The following DPP10 variants were observed in gnomAD, a reference collection of about 807,000 sequenced individuals.
DPP10 encodes the protein dipeptidyl peptidase like 10.
DPP10 carries 33 observed loss-of-function variants against 120.9 expected under a neutral mutation model. The ratio of observed to expected loss-of-function variants is 0.27; its 90% CI spans 0.21 to 0.37. DPP10 has a LOEUF of 0.37. Among genes scored for constraint, DPP10 ranks in the 10% least tolerant of loss-of-function variants. DPP10 has a pLI of 1.00. For synonymous variants in DPP10, 337 were observed against 326.1 expected, an observed-to-expected ratio of 1.03 and a Z score of -0.36; for missense variants, 816 against 942.8, an observed-to-expected ratio of 0.87 and a Z score of 1.76.
intron 5 of DPP10, among the ~76,000 whole-genome samples, chr2:115,625,843 T>A (rs1019062728): frequency 6.6e-6 from 1 of 151,996 alleles, no homozygotes; most frequent in Non-Finnish European, 1.5e-5. Flanking sequence ...TGAAGAAAGT[T>A]TTCTCTGAAC....
chr2:114,909,747 T>C (rs933697828), intron 1 of DPP10, among the ~76,000 whole-genome samples: 1 of 152,022 alleles, frequency 6.6e-6, no homozygotes, highest in African/African-American at 2.4e-5. Flanking sequence ...TTGTTCTGAG[T>C]TGGCAGTGTA....
intron 1 of DPP10, among the ~76,000 whole-genome samples, chr2:114,916,768 C>A (rs1402211824): frequency 6.6e-6 from 1 of 152,200 alleles, no homozygotes. Flanking sequence ...TAACATTCCA[C>A]ATCCCTTCAT....
intron 3 of DPP10, among the ~76,000 whole-genome samples, chr2:115,428,454 G>A (rs1357058628): frequency 6.6e-6 from 1 of 152,120 alleles, no homozygotes; most frequent in Admixed American, 6.6e-5. Context: ...GCTTGCGTTT[G>A]CTTGGCTTCT....
chr2:114,465,742 G>T (rs1679309756), intron 1 of DPP10, among the ~76,000 whole-genome samples: 1 of 151,782 alleles, frequency 6.6e-6, no homozygotes, highest in Non-Finnish European at 1.5e-5. Context: ...CACATTTATG[G>T]AGCACAGTGT....
chr2:115,594,535 G>T (rs754366147), intron 5 of DPP10, among the ~76,000 whole-genome samples: 1 of 152,082 alleles, frequency 6.6e-6, no homozygotes, highest in Non-Finnish European at 1.5e-5. Flanking sequence ...TGTTCTTCCC[G>T]ATATTACACT....
intron 1 of DPP10, among the ~76,000 whole-genome samples, chr2:115,235,039 A>G (rs1002137286): frequency 1.3e-5 from 2 of 152,156 alleles, no homozygotes; most frequent in East Asian, 1.9e-4. Context: ...CTCATTTAAC[A>G]TGAAAATGCT....
chr2:115,624,264 T>G (rs1205574723), intron 5 of DPP10, among the ~76,000 whole-genome samples: 1 of 152,228 alleles, frequency 6.6e-6, no homozygotes, highest in Non-Finnish European at 1.5e-5. Flanking sequence ...GTGAAGTGTT[T>G]TGGTTCTCAA....
At chr2:114,576,895 GT>G (rs1690097405) in intron 1 of DPP10, among the ~76,000 whole-genome samples, 1 of 150,834 alleles carries the variant, frequency 6.6e-6, no homozygotes, top group African/African-American at 2.4e-5. Flanking sequence ...TTTGTTTTTT[GT>G]TTTTTCATAG....
chr2:115,308,811 T>C (rs2061466718), intron 1 of DPP10, among the ~76,000 whole-genome samples: 1 of 151,906 alleles, frequency 6.6e-6, no homozygotes, highest in Non-Finnish European at 1.5e-5. Context: ...TTCCCATTTC[T>C]AGTCTTTGCC....
chr2:115,077,234 A>C (rs1559066005), intron 1 of DPP10, among the ~76,000 whole-genome samples: 1 of 152,184 alleles, frequency 6.6e-6, no homozygotes, highest in Non-Finnish European at 1.5e-5. Context: ...ACATGAGTAA[A>C]ATCTTTAATC....
At chr2:115,152,192 T>C (rs2051602641) in intron 1 of DPP10, among the ~76,000 whole-genome samples, 1 of 152,358 alleles carries the variant, frequency 6.6e-6, no homozygotes, top group African/African-American at 2.4e-5. Context: ...TTACACTGTG[T>C]AGGCCATATG....
At chr2:115,837,695 GTGGGGAT>G (rs945636795) in intron 24 of DPP10, among the ~76,000 whole-genome samples, 1 of 152,138 alleles carries the variant, frequency 6.6e-6, no homozygotes, top group Admixed American at 6.6e-5. Context: ...ATATGATGTA[GTGGGGAT>G]GGCACTTTAC....
chr2:114,668,550 A>G (rs947061237), intron 1 of DPP10, among the ~76,000 whole-genome samples: 1 of 152,192 alleles, frequency 6.6e-6, no homozygotes. Flanking sequence ...GCCTTAGCCC[A>G]GTAAAGTTGG....
At chr2:115,153,873 G>A (rs1420167786) in intron 1 of DPP10, among the ~76,000 whole-genome samples, 2 of 152,052 alleles carry the variant, frequency 1.3e-5, no homozygotes, top group African/African-American at 4.8e-5. Context: ...AGGGGCCAGT[G>A]TTTTCTTTCT....
At chr2:115,083,227 A>G (rs1708419651) in intron 1 of DPP10, among the ~76,000 whole-genome samples, 1 of 151,576 alleles carries the variant, frequency 6.6e-6, no homozygotes, top group South Asian at 2.1e-4. Flanking sequence ...TCCCTGTTGG[A>G]TCTCCTCCAC....
chr2:115,244,239 TAGAG>T (rs67598156), intron 1 of DPP10, among the ~76,000 whole-genome samples: 13,951 of 92,328 alleles, frequency 0.15, 741 homozygotes, highest in South Asian at 0.2. Context: ...TATATATATA[TAGAG>T]AGAGAGAGAG....
intron 1 of DPP10, among the ~76,000 whole-genome samples, chr2:114,971,053 C>T (rs1237267959): frequency 6.6e-6 from 1 of 152,148 alleles, no homozygotes; most frequent in Non-Finnish European, 1.5e-5. Context: ...AAACATAACT[C>T]AGCTCAATAC....
intron 8 of DPP10, among the ~76,000 whole-genome samples, chr2:115,730,241 G>A (rs1009141543): frequency 2.0e-5 from 3 of 152,116 alleles, no homozygotes; most frequent in Non-Finnish European, 4.4e-5. Context: ...GGTTAAAGCA[G>A]TAAAAAGGAG....
At chr2:115,806,477 C>G (rs2150000570) in intron 19 of DPP10, among the ~76,000 whole-genome samples, 1 of 152,206 alleles carries the variant, frequency 6.6e-6, no homozygotes, top group South Asian at 2.1e-4. Flanking sequence ...GTTTATATAA[C>G]CACACTTTCC....
Sources: allele counts gnomAD v4.1 joint callset (sites outside exome capture counted in the v4.1 genomes callset), GRCh38; gene constraint gnomAD v4.1.1; transcripts MANE v1.5; gene names NCBI Gene and HGNC (gene_info 2026-07-23, HGNC 2026-07-21).